Variants in SLC14A2 observed in about 807,000 individuals in gnomAD.
SLC14A2 encodes the protein solute carrier family 14 member 2.
A neutral mutation model predicts 104.6 loss-of-function variants in SLC14A2; 91 were observed. The observed-to-expected ratio is 0.87, with a 90% CI of 0.73 to 1.04. The LOEUF is 1.04. Among genes scored for constraint, SLC14A2 ranks in the 50% least tolerant of loss-of-function variants. SLC14A2 has a pLI of 0.00. For missense variants in SLC14A2, 1,189 were observed against 1,156.0 expected (o/e 1.03, Z -0.41); for synonymous variants, 476 against 466.4 (o/e 1.02, Z -0.27).
At chr18:45,525,500 C>T (rs1216995737) in intron 2 of SLC14A2, among the ~76,000 whole-genome samples, 1 of 152,226 alleles carries the variant, frequency 6.6e-6, no homozygotes, top group African/African-American at 2.4e-5. Flanking sequence ...CCCTTTATTA[C>T]TGGTTATTAA....
rs74777118 is a variant in SLC14A2 at position 45,683,028 on chromosome 18, A to C, written c.*509A>C. ...AGAATGGCGTGAACCCGGGAGGTGG[A>C]GCTTGCAGTGAGCCAAGATCACGCC... On this transcript the variant is annotated 3_prime_UTR_variant, in exon 20 of 20. Coordinates refer to ENST00000255226, the MANE Select transcript of SLC14A2 (RefSeq NM_007163.4). 4,294 of 161,302 alleles carry C rather than the reference A, an allele frequency of 0.027. 136 individuals are homozygous for C. The highest frequency in any genetic ancestry group is 0.095 in the Admixed American group (1,662 of 17,484). The allele number at this position is 161,302 out of a possible 1,614,324, so 10.0% of individuals were successfully genotyped here. A position where few individuals can be genotyped will look rare whatever the true frequency, so the allele number is the denominator to read the frequency against.
chr18:45,248,661 G>A (rs966608628), intron 1 of SLC14A2, among the ~76,000 whole-genome samples: 9 of 152,204 alleles, frequency 5.9e-5, no homozygotes, highest in Non-Finnish European at 1.0e-4. Flanking sequence ...TTGGCATTCA[G>A]GAAATGTTTA....
chr18:45,250,087 C>T lies in SLC14A2; in HGVS notation c.-125+36896C>T, dbSNP rs571280531. Reference sequence around the variant, plus strand: ...ATTTGAAATGAAAGTGGAATGTGAACCCACATGTGGAAACTCACACATGTG... The same window carrying T: ...ATTTGAAATGAAAGTGGAATGTGAATCCACATGTGGAAACTCACACATGTG... On this transcript the variant is annotated intron_variant, in intron 1 of 20. Coordinates refer to the SLC14A2 transcript ENST00000586448. 7.9e-5 allele frequency among the ~76,000 whole-genome samples: 12 copies of T among 152,250 alleles called. No homozygotes were observed. In the East Asian group the frequency reaches 2.3e-3, roughly 29 times the overall value.
intron 1 of SLC14A2, among the ~76,000 whole-genome samples, chr18:45,339,260 G>A (rs1308841315): frequency 6.6e-6 from 1 of 152,108 alleles, no homozygotes. Flanking sequence ...CACCGCACCT[G>A]GCCTCCTTAT....
intron 2 of SLC14A2, among the ~76,000 whole-genome samples, chr18:45,545,029 G>A (rs1489961752): frequency 6.6e-6 from 1 of 151,950 alleles, no homozygotes; most frequent in African/African-American, 2.4e-5. Context: ...CCCGACCTCA[G>A]GTGATCTGCC....
chr18:45,324,419 C>T (rs2085214452), intron 1 of SLC14A2, among the ~76,000 whole-genome samples: 1 of 152,066 alleles, frequency 6.6e-6, no homozygotes, highest in African/African-American at 2.4e-5. Flanking sequence ...TTATTCCTCC[C>T]CCAAGGACTC....
chr18:45,220,917 C>A (rs1026173880), intron 1 of SLC14A2, among the ~76,000 whole-genome samples: 2 of 152,170 alleles, frequency 1.3e-5, no homozygotes, highest in Non-Finnish European at 2.9e-5. Flanking sequence ...CCTCACACAG[C>A]CTTTTCTCTG....
At chr18:45,534,444 C>T (rs997504650) in intron 2 of SLC14A2, among the ~76,000 whole-genome samples, 2 of 152,174 alleles carry the variant, frequency 1.3e-5, no homozygotes, top group Non-Finnish European at 2.9e-5. Flanking sequence ...AAAACCAGCT[C>T]AGTGGTTTTT....
At chr18:45,555,169 T>G (rs1465163234) in intron 2 of SLC14A2, among the ~76,000 whole-genome samples, 1 of 152,182 alleles carries the variant, frequency 6.6e-6, no homozygotes, top group Non-Finnish European at 1.5e-5. Flanking sequence ...AGGAGACCAG[T>G]GATTCTCAGT....
chr18:45,655,620 G>A (rs1416554488), intron 10 of SLC14A2, among the ~76,000 whole-genome samples: 1 of 151,872 alleles, frequency 6.6e-6, no homozygotes, highest in Non-Finnish European at 1.5e-5. Context: ...GGTTGCCATA[G>A]CTTCTGCATA....
At chr18:45,307,919 G>C (rs1489075005) in intron 1 of SLC14A2, among the ~76,000 whole-genome samples, 1 of 152,210 alleles carries the variant, frequency 6.6e-6, no homozygotes, top group Non-Finnish European at 1.5e-5. Flanking sequence ...ACATGGTGCC[G>C]ACATCTGCTT....
intron 1 of SLC14A2, among the ~76,000 whole-genome samples, chr18:45,387,847 C>T (rs2085914675): frequency 6.6e-6 from 1 of 152,010 alleles, no homozygotes; most frequent in South Asian, 2.1e-4. Context: ...AAAATTGAGG[C>T]TATTTGTCAA....
intron 10 of SLC14A2, among the ~76,000 whole-genome samples, chr18:45,653,705 C>T (rs1174532103): frequency 1.3e-5 from 2 of 152,066 alleles, no homozygotes; most frequent in Non-Finnish European, 2.9e-5. Flanking sequence ...CAGTGAGCCT[C>T]CAGGTCCCCA....
At chr18:45,393,450 A>C (rs1400099704) in intron 1 of SLC14A2, among the ~76,000 whole-genome samples, 1 of 152,214 alleles carries the variant, frequency 6.6e-6, no homozygotes, top group Non-Finnish European at 1.5e-5. Context: ...ATGACACCTC[A>C]GTTGCTTCAA....
At chr18:45,658,517 G>T (rs1176634404) in intron 10 of SLC14A2, among the ~76,000 whole-genome samples, 2 of 151,884 alleles carry the variant, frequency 1.3e-5, no homozygotes, top group Non-Finnish European at 2.9e-5. Context: ...GAAGGCGGAG[G>T]TTGCAGTGAG....
At chr18:45,190,250 T>G in the SLC14A2 span, among the ~76,000 whole-genome samples, 1 of 152,232 alleles carries the variant, frequency 6.6e-6, no homozygotes, top group Non-Finnish European at 1.5e-5. Context: ...ATCTCTTCCT[T>G]TAGATCTTGC....
chr18:45,375,572 TTGAG>T (rs1176166869), intron 1 of SLC14A2, among the ~76,000 whole-genome samples: 5 of 152,344 alleles, frequency 3.3e-5, no homozygotes, highest in African/African-American at 1.2e-4. Context: ...GGAGACTGAT[TTGAG>T]TAATAATAAA....
At chr18:45,342,683 A>T (rs1328438480) in intron 1 of SLC14A2, among the ~76,000 whole-genome samples, 2 of 152,210 alleles carry the variant, frequency 1.3e-5, no homozygotes, top group South Asian at 2.1e-4. Flanking sequence ...GATGACTAGG[A>T]TGGAGAAATT....
intron 1 of SLC14A2, among the ~76,000 whole-genome samples, chr18:45,236,170 TATATAC>T (rs1206932131): frequency 1.6e-5 from 1 of 61,092 alleles, no homozygotes; most frequent in African/African-American, 8.6e-5. Context: ...TATATGTGTA[TATATAC>T]ATATATGTGT....
Sources: gnomAD v4.1 joint callset for allele counts (sites outside exome capture counted in the v4.1 genomes callset) on GRCh38, gnomAD v4.1.1 for gene constraint, MANE v1.5 for transcripts, NCBI Gene and HGNC (gene_info 2026-07-23, HGNC 2026-07-21) for gene names.